TSPEAR: variants seen among roughly 807,000 people sequenced by gnomAD.
The protein encoded by TSPEAR is thrombospondin-type laminin G domain and EAR repeat-containing protein.
TSPEAR carries 69 observed loss-of-function variants against 71.6 expected under a neutral mutation model. The observed-to-expected ratio is 0.96, with a 90% confidence interval of 0.79 to 1.18. TSPEAR has a LOEUF of 1.18. TSPEAR is among the 50% of genes most tolerant of loss of function. The pLI, the probability that TSPEAR is intolerant of heterozygous loss-of-function variation, is 0.00. For missense variants in TSPEAR, 971 were observed against 894.9 expected, an observed-to-expected ratio of 1.09 and a Z score of -1.09; for synonymous variants, 402 against 387.2, an observed-to-expected ratio of 1.04 and a Z score of -0.45.
chr21:44,711,475 C>T lies in TSPEAR; in HGVS notation c.40G>A (p.Ala14Thr). Reference sequence around the variant, plus strand: ...CCCTGCGTGCCGTGGCCGGGGGCCGCCAGGGGCAGCACAAAACACAGACTC... The same window carrying T: ...CCCTGCGTGCCGTGGCCGGGGGCCGTCAGGGGCAGCACAAAACACAGACTC... ...LLSLCFVLPL[A>T]APGHGTQGWE... Residue 14 changes from alanine to threonine, a missense_variant, in exon 1 of 12, where the codon GCG becomes ACG. Ala to Thr is a moderately conservative substitution (Grantham distance 58). Coordinates refer to ENST00000323084, the MANE Select transcript of TSPEAR (RefSeq NM_144991.3). The surrounding 1 kb of genome is among the most constrained non-coding windows in gnomAD (Gnocchi z 4.5). The T allele has an allele frequency of 6.2e-7, 1 of 1,611,828 alleles. No individual in the cohort carries two copies. The highest frequency in any genetic ancestry group is 8.5e-7 in the Non-Finnish European group (1 of 1,179,386).
intron 3 of TSPEAR, among the ~76,000 whole-genome samples, chr21:44,533,222 C>T (rs1277512917): frequency 6.6e-6 from 1 of 152,236 alleles, no homozygotes; most frequent in African/African-American, 2.4e-5. Flanking sequence ...GCCCATTCCC[C>T]TTCCAGCCCG....
At chr21:44,697,260 G>A in intron 1 of TSPEAR, 1 of 1,614,090 alleles carries the variant, frequency 6.2e-7, no homozygotes, top group Non-Finnish European at 8.5e-7. Context: ...CCTGGTTCCT[G>A]TGACTCTTGC....
intron 1 of TSPEAR, chr21:44,591,382 G>A (rs1395303794): frequency 6.3e-7 from 1 of 1,599,000 alleles, no homozygotes; most frequent in Admixed American, 1.7e-5. Context: ...TCACATCCAG[G>A]GCTGTCAGCA....
intron 1 of TSPEAR, among the ~76,000 whole-genome samples, chr21:44,614,278 G>A (rs776175962): frequency 4.6e-5 from 7 of 152,258 alleles, no homozygotes; most frequent in East Asian, 3.8e-4. Flanking sequence ...CCCCACTGAC[G>A]TCAGGCAGCC....
At chr21:44,656,723 G>T (rs1339773827) in intron 1 of TSPEAR, among the ~76,000 whole-genome samples, 1 of 152,014 alleles carries the variant, frequency 6.6e-6, no homozygotes, top group African/African-American at 2.4e-5. Context: ...AATCATATTT[G>T]GTGCCTTGGG....
At chr21:44,533,963 A>C in intron 2 of TSPEAR, 40 bp from the exon 3 acceptor site, 2 of 786,226 alleles carry the variant, frequency 2.5e-6, no homozygotes, top group Non-Finnish European at 3.9e-6. Flanking sequence ...GGCTGGGGGT[A>C]GGGGTCGGGT....
At chr21:44,528,386 C>T in intron 6 of TSPEAR, 66 bp downstream of exon 6, 1 of 1,603,484 alleles carries the variant, frequency 6.2e-7, no homozygotes, top group Non-Finnish European at 8.5e-7. Flanking sequence ...TCCTAGCCTC[C>T]ACTCCCAGTC....
chr21:44,514,090 C>T (rs587718067), intron 9 of TSPEAR, among the ~76,000 whole-genome samples: 7 of 152,340 alleles, frequency 4.6e-5, no homozygotes, highest in Admixed American at 1.3e-4. Context: ...AGACAGAAGT[C>T]ATGGGGCATA....
chr21:44,652,557 C>A (rs587618157), intron 1 of TSPEAR, among the ~76,000 whole-genome samples: 1 of 152,294 alleles, frequency 6.6e-6, no homozygotes, highest in South Asian at 2.1e-4. Context: ...TTCTGTGAGA[C>A]TTTTTATGTC....
At chr21:44,632,673 A>C (rs1263618562) in intron 1 of TSPEAR, among the ~76,000 whole-genome samples, 1 of 152,126 alleles carries the variant, frequency 6.6e-6, no homozygotes, top group Non-Finnish European at 1.5e-5. Flanking sequence ...ATCTCTGCTA[A>C]AAATACACAC....
intron 1 of TSPEAR, among the ~76,000 whole-genome samples, chr21:44,704,916 G>A (rs1555952086): frequency 2.6e-5 from 4 of 152,220 alleles, no homozygotes; most frequent in South Asian, 2.1e-4. Context: ...CTGGCTGCCC[G>A]CCCCGCCCAG....
In TSPEAR at chr21:44,579,592, A is replaced by G. The variant is rs1253367434; in HGVS notation, c.83-11587T>C. The G allele has an allele frequency of 4.8e-6, 4 of 827,694 alleles. No homozygotes were observed. The Admixed American group carries it at 1.2e-4, about 24-fold the overall frequency. 51.3% of individuals were successfully genotyped at this position (827,694 alleles called of 1,614,324 possible). A position where few individuals can be genotyped will look rare whatever the true frequency, so the allele number is the denominator to read the frequency against. On this transcript the variant is annotated intron_variant, in intron 1 of 11. Transcript: ENST00000323084. ...GGCAGGTGGGCCCCTGCTGGGAGGCAGGAGCTGGGGAGCTTCGAGGATGGA... is the reference window on the plus strand; with the variant it reads ...GGCAGGTGGGCCCCTGCTGGGAGGCGGGAGCTGGGGAGCTTCGAGGATGGA...
chr21:44,558,831 C>G (rs1433231345), intron 2 of TSPEAR: 2 of 1,352,040 alleles, frequency 1.5e-6, no homozygotes, highest in South Asian at 1.4e-5. Flanking sequence ...CTTTATACCC[C>G]TCTGTGTTGA....
At chr21:44,527,966 G>A (rs11910616) in intron 6 of TSPEAR, among the ~76,000 whole-genome samples, 2 of 151,978 alleles carry the variant, frequency 1.3e-5, no homozygotes, top group Non-Finnish European at 2.9e-5. Context: ...TTTCAGGCTC[G>A]TCATCTCCTT....
rs782570876 is a variant in TSPEAR at position 44,540,109 on chromosome 21, G to A, written c.304-6186C>T. ...GGCAGGCATCCACCTGCCAGGAGTC[G>A]GAGCAAGCGCTGGAGCAGACGGACA... is the stretch of plus-strand genomic sequence containing the variant. On this transcript the variant is annotated intron_variant, in intron 2 of 11. Transcript: ENST00000323084. 38 of 1,613,692 alleles carry A rather than the reference G, an allele frequency of 2.4e-5. No individual in the cohort carries two copies. In the East Asian group the frequency reaches 3.3e-4, roughly 14 times the overall value.
chr21:44,683,261 C>T (rs888624046), intron 1 of TSPEAR, among the ~76,000 whole-genome samples: 2 of 151,112 alleles, frequency 1.3e-5, no homozygotes, highest in Non-Finnish European at 3.0e-5. Context: ...ACAAAAACTG[C>T]ACAAGATTAA....
chr21:44,558,669 G>A, intron 2 of TSPEAR: 1 of 1,613,286 alleles, frequency 6.2e-7, no homozygotes, highest in Non-Finnish European at 8.5e-7. Context: ...CACCTGCCAG[G>A]AGTCAGAGTA....
rs55672014 is a variant in TSPEAR at position 44,646,124 on chromosome 21, CAAAAAAAAA to C, written c.82+65300_82+65308del. Among the ~76,000 whole-genome samples, 53 of 31,238 alleles carry C rather than the reference CAAAAAAAAA, an allele frequency of 1.7e-3. No homozygotes were observed. In the South Asian group the frequency reaches 0.028, roughly 17 times the overall value. The allele number at this position is 31,238 out of a possible 152,430, so 20.5% of individuals were successfully genotyped here. On this transcript the variant is annotated intron_variant, in intron 1 of 11. Coordinates refer to ENST00000323084, the MANE Select transcript of TSPEAR (RefSeq NM_144991.3). Reference sequence around the variant, plus strand: ...TGGGTGACAGAGCAAGACTCCCTCTCAAAAAAAAAAAAAAAAAAAAAAAAAAAAAAGGAA... The same window carrying C: ...TGGGTGACAGAGCAAGACTCCCTCTCAAAAAAAAAAAAAAAAAAAAAGGAA...
At chr21:44,540,283 CTTG>C (rs1396467887) in intron 2 of TSPEAR, 9 of 1,438,688 alleles carry the variant, frequency 6.3e-6, no homozygotes, top group South Asian at 2.7e-5. Flanking sequence ...CCCTTCTGGC[CTTG>C]TTGTTCCAGG....
Sources: gnomAD v4.1 joint callset for allele counts (sites outside exome capture counted in the v4.1 genomes callset) on GRCh38, gnomAD v4.1.1 for gene constraint, Gnocchi (gnomAD v3.1) non-coding constraint, MANE v1.5 for transcripts, NCBI Gene and HGNC (gene_info 2026-07-23, HGNC 2026-07-21) for gene names.